TLR5: variants seen among roughly 807,000 people sequenced by gnomAD.
TLR5 encodes the protein toll like receptor 5.
For synonymous variants in TLR5, 373 were observed against 384.4 expected, an observed-to-expected ratio of 0.97 and a Z score of 0.35; for missense variants, 944 against 999.8, an observed-to-expected ratio of 0.94 and a Z score of 0.75.
intron 5 of TLR5, among the ~76,000 whole-genome samples, chr1:223,126,553 A>G (rs1657174672): frequency 6.6e-6 from 1 of 152,206 alleles, no homozygotes; most frequent in South Asian, 2.1e-4. Flanking sequence ...AACCCACTAC[A>G]AATACCCAAA....
chr1:223,142,930 C>T (rs1214294735), intron 1 of TLR5, among the ~76,000 whole-genome samples: 1 of 152,202 alleles, frequency 6.6e-6, no homozygotes, highest in Non-Finnish European at 1.5e-5. Context: ...GAGGTCTCTT[C>T]GTCTCCAACC....
Position 223,112,329 on chromosome 1 carries a change from C to T in TLR5, c.703G>A (p.Gly235Arg). 1.2e-6 allele frequency: 2 copies of T among 1,614,224 alleles called. No individual in the cohort carries two copies. Among genetic ancestry groups the T allele is most frequent in the Non-Finnish European group, 1.7e-6 (2 of 1,180,040 alleles). Residue 235 changes from glycine (G) to arginine (R), a missense_variant, in exon 6 of 6, where the codon GGA becomes AGA. By Grantham distance (125) the Gly-to-Arg change is moderately radical. Coordinates refer to ENST00000642603, the MANE Select transcript of TLR5 (RefSeq NM_003268.6). ...NMVLEILDVS[G>R]NGWTVDITGN... ...GTGATGTCCACTGTCCAGCCATTTC[C>T]AGAAACATCTAGTATCTCCAGCACC... is the stretch of plus-strand genomic sequence containing the variant.
chr1:223,118,825 C>T (rs1185858154), intron 5 of TLR5, among the ~76,000 whole-genome samples: 5 of 151,930 alleles, frequency 3.3e-5, no homozygotes, highest in South Asian at 4.1e-4. Context: ...TCAGATGGGC[C>T]GGGCACGGTG....
chr1:223,139,150 A>T (rs1032906226), intron 2 of TLR5, among the ~76,000 whole-genome samples: 6 of 152,220 alleles, frequency 3.9e-5, no homozygotes, highest in African/African-American at 1.4e-4. Flanking sequence ...TAGCAGTGTG[A>T]TAACAGACTA....
chr1:223,113,156 C>T (rs965008380), intron 5 of TLR5, 121 bp from the exon 6 acceptor site: 50 of 936,756 alleles, frequency 5.3e-5, no homozygotes, highest in Non-Finnish European at 8.2e-5. Context: ...CTTCATTCCT[C>T]TGACTCCACA....
rs1656324658 is a variant in TLR5 at position 223,111,344 on chromosome 1, G to A, written c.1688C>T (p.Pro563Leu). The part of the protein sequence containing the change: ...LDISRNQLLA[P>L]NPDVFVSLSV... ...AAGTGATACAAATACATCAGGATTA[G>A]GAGCTAGGAGCTGGTTCCTGGATAT... Residue 563 changes from proline (P) to leucine (L), a missense_variant, in exon 6 of 6, where the codon CCT becomes CTT. Physicochemically the swap from Pro to Leu is moderately conservative, Grantham distance 98. Transcript: ENST00000642603. The A allele has an allele frequency of 2.5e-6, 4 of 1,614,146 alleles. No individual in the cohort carries two copies. In the South Asian group the frequency reaches 4.4e-5, roughly 18 times the overall value.
At chr1:223,118,407 C>T (rs1656783819) in intron 5 of TLR5, among the ~76,000 whole-genome samples, 1 of 151,824 alleles carries the variant, frequency 6.6e-6, no homozygotes, top group African/African-American at 2.4e-5. Context: ...ATTAGCCAGG[C>T]ATGGTGGCGC....
intron 5 of TLR5, among the ~76,000 whole-genome samples, chr1:223,125,931 T>G (rs892375381): frequency 6.6e-6 from 1 of 152,074 alleles, no homozygotes; most frequent in African/African-American, 2.4e-5. Flanking sequence ...TGTGGGCTGC[T>G]TAAAAACAGT....
At chr1:223,127,371 A>C (rs2241097) in intron 5 of TLR5, 30,902 of 152,170 alleles carry the variant, frequency 0.2, 3,505 homozygotes, top group Admixed American at 0.26. Flanking sequence ...AGTTTCTCCA[A>C]ATTCACACAG....
chr1:223,120,500 T>C (rs1282610017), intron 5 of TLR5, among the ~76,000 whole-genome samples: 3 of 152,322 alleles, frequency 2.0e-5, no homozygotes, highest in Admixed American at 2.0e-4. Flanking sequence ...AACCAAGCTG[T>C]AGCCTGAACA....
chr1:223,116,291 T>C (rs1656641163), intron 5 of TLR5, among the ~76,000 whole-genome samples: 1 of 152,156 alleles, frequency 6.6e-6, no homozygotes, highest in Admixed American at 6.5e-5. Context: ...TGTTTGGACG[T>C]GTTCGGAGTT....
chr1:223,128,674 T>C (rs1430915108), intron 5 of TLR5: 1 of 152,148 alleles, frequency 6.6e-6, no homozygotes, highest in Non-Finnish European at 1.5e-5. Context: ...GCTACTCCCT[T>C]TGTCCTTTTC....
chr1:223,117,067 G>A (rs879581618), intron 5 of TLR5, among the ~76,000 whole-genome samples: 7 of 152,308 alleles, frequency 4.6e-5, no homozygotes, highest in East Asian at 3.9e-4. Context: ...AGGGGGACTC[G>A]GGTATGGCGG....
chr1:223,122,327 C>T (rs1656987088), intron 5 of TLR5, among the ~76,000 whole-genome samples: 1 of 152,164 alleles, frequency 6.6e-6, no homozygotes, highest in South Asian at 2.1e-4. Context: ...GCCCTAAATC[C>T]AGCTCCAGGG....
At chr1:223,123,914 AAG>A (rs1657049826) in intron 5 of TLR5, 1 of 152,218 alleles carries the variant, frequency 6.6e-6, no homozygotes, top group African/African-American at 2.4e-5. Flanking sequence ...AGAGGGAGGA[AAG>A]AGAGGGACAG....
rs1368095349 is a variant in TLR5 at position 223,132,462 on chromosome 1, CA to C, written c.-5+12del. The C allele has an allele frequency of 2.0e-5, 3 of 152,170 alleles. No individual in the cohort carries two copies. The highest frequency in any genetic ancestry group is 4.8e-5 in the African/African-American group (2 of 41,378). 9.4% of individuals were successfully genotyped at this position (152,170 alleles called of 1,614,324 possible). ...CAGACACACTATGACACATTTTTAC[CA>C]GAAGCACTTACCTCGTTGTCCTAGC... On this transcript the variant is annotated intron_variant, in intron 5 of 5. Coordinates refer to ENST00000642603, the MANE Select transcript of TLR5 (RefSeq NM_003268.6).
chr1:223,123,877 C>T (rs920491460), intron 5 of TLR5: 42 of 152,108 alleles, frequency 2.8e-4, no homozygotes, highest in African/African-American at 9.7e-4. Context: ...CCGACCCCAG[C>T]GGAGGAGTGC....
chr1:223,132,263 T>C (rs1309989095), intron 5 of TLR5, among the ~76,000 whole-genome samples: 1 of 152,126 alleles, frequency 6.6e-6, no homozygotes. Context: ...TTTGGGAGGC[T>C]GAGGCAGGAG....
At chr1:223,133,822 GC>G (rs5744155) in intron 4 of TLR5, among the ~76,000 whole-genome samples, 1,532 of 152,270 alleles carry the variant, frequency 0.01, 26 homozygotes, top group African/African-American at 0.035. Context: ...TTCAGGAGAT[GC>G]GCTTTCCCTA....
Sources: allele counts gnomAD v4.1 joint callset (sites outside exome capture counted in the v4.1 genomes callset), GRCh38; gene constraint gnomAD v4.1.1; transcripts MANE v1.5; gene names NCBI Gene and HGNC (gene_info 2026-07-23, HGNC 2026-07-21).